The following ANKS1A variants were observed in gnomAD, a reference collection of about 807,000 sequenced individuals.
The protein encoded by ANKS1A is ankyrin repeat and sterile alpha motif domain containing 1A, also known as ankyrin repeat and SAM domain-containing protein 1A.
Under a neutral mutation model 120.3 loss-of-function variants are expected in ANKS1A, and 55 were observed. The observed-to-expected ratio is 0.46, with a 90% CI of 0.37 to 0.57. The LOEUF (loss-of-function observed/expected upper bound fraction) is 0.57. Among genes scored for constraint, ANKS1A ranks in the 20% least tolerant of loss-of-function variants. ANKS1A has a pLI of 0.00. For missense variants in ANKS1A, 1,123 were observed against 1,480.3 expected (o/e 0.76, Z 3.96); for synonymous variants, 590 against 604.7 (o/e 0.98, Z 0.36).
intron 1 of ANKS1A, among the ~76,000 whole-genome samples, chr6:34,906,231 G>A (rs1767641128): frequency 6.6e-6 from 1 of 152,170 alleles, no homozygotes; most frequent in African/African-American, 2.4e-5. Context: ...TAAAACATCT[G>A]CAGAGTTAGA....
intron 1 of ANKS1A, among the ~76,000 whole-genome samples, chr6:34,927,307 A>G (rs974163482): frequency 1.3e-5 from 2 of 152,088 alleles, no homozygotes. Flanking sequence ...CAAGGGGACA[A>G]TGTGCATAAG....
intron 1 of ANKS1A, among the ~76,000 whole-genome samples, chr6:34,921,514 A>T (rs1768432949): frequency 6.6e-6 from 1 of 152,184 alleles, no homozygotes; most frequent in Admixed American, 6.5e-5. Flanking sequence ...TTATTTGCAT[A>T]TTTAGAAAAC....
chr6:35,042,995 A>T (rs187085990), intron 11 of ANKS1A, among the ~76,000 whole-genome samples: 1 of 152,284 alleles, frequency 6.6e-6, no homozygotes, highest in African/African-American at 2.4e-5. Flanking sequence ...ATGACCTTGG[A>T]TGCCCTTGAG....
intron 10 of ANKS1A, among the ~76,000 whole-genome samples, chr6:35,006,555 C>T (rs1423432036): frequency 5.3e-5 from 8 of 151,422 alleles, no homozygotes; most frequent in Non-Finnish European, 1.2e-4. Context: ...GAGATGGAGA[C>T]CATCCTGGCT....
Position 34,973,567 on chromosome 6 carries a change from C to T in ANKS1A, c.435+3401C>T, listed in dbSNP as rs187380071. 4.1e-4 allele frequency among the ~76,000 whole-genome samples: 63 copies of T among 152,280 alleles called. 1 individual carries two copies. In the East Asian group the frequency reaches 0.012, roughly 28 times the overall value. On this transcript the variant is annotated intron_variant, in intron 3 of 23. Transcript: ENST00000360359. ...GAGTGTGCTCAAGACACTACATTAT[C>T]CACATTAGCTACCTTTTACTTGTTC...
chr6:34,930,604 C>G (rs887649176), intron 1 of ANKS1A, among the ~76,000 whole-genome samples: 2 of 152,142 alleles, frequency 1.3e-5, no homozygotes, highest in Admixed American at 6.5e-5. Context: ...TGGTTTGTCT[C>G]TCCTCTTTCC....
chr6:35,080,243 C>T (rs1777601854), intron 16 of ANKS1A, among the ~76,000 whole-genome samples: 1 of 151,968 alleles, frequency 6.6e-6, no homozygotes, highest in Non-Finnish European at 1.5e-5. Context: ...TCCAAAAGGC[C>T]AGGACTCACA....
At chr6:34,960,394 G>T (rs751282591) in intron 1 of ANKS1A, among the ~76,000 whole-genome samples, 8 of 151,940 alleles carry the variant, frequency 5.3e-5, no homozygotes, top group Admixed American at 2.0e-4. Flanking sequence ...CTCCATGAGG[G>T]CAGACTTTGT....
chr6:34,930,565 G>A (rs1768930381), intron 1 of ANKS1A, among the ~76,000 whole-genome samples: 1 of 152,160 alleles, frequency 6.6e-6, no homozygotes, highest in Admixed American at 6.5e-5. Flanking sequence ...GTTACATTAG[G>A]GTTGAGCGAG....
intron 16 of ANKS1A, 31 bp from the exon 17 acceptor site, chr6:35,080,963 G>A: frequency 1.2e-6 from 2 of 1,603,094 alleles, no homozygotes; most frequent in East Asian, 4.5e-5. Context: ...GCCGAGGGTT[G>A]CAAGTTCCAC....
rs915107978 is a variant in ANKS1A at position 35,091,152 on chromosome 6, G to A, written c.*2543G>A. On this transcript the variant is annotated 3_prime_UTR_variant, in exon 24 of 24. Transcript: ENST00000360359. ...GTAATGAAAATGTTATTTAATCTTT[G>A]TCTCTGTATTTTGATACTTGAATGA... The A allele has an allele frequency of 4.1e-6, 4 of 985,748 alleles. No individual in the cohort carries two copies. In the African/African-American group the frequency reaches 7.0e-5, roughly 17 times the overall value. 61.1% of individuals were successfully genotyped at this position (985,748 alleles called of 1,614,324 possible). A position where few individuals can be genotyped will look rare whatever the true frequency, so the allele number is the denominator to read the frequency against.
At chr6:34,891,869 C>G (rs1248841684) in intron 1 of ANKS1A, among the ~76,000 whole-genome samples, 2 of 152,156 alleles carry the variant, frequency 1.3e-5, no homozygotes, top group African/African-American at 4.8e-5. Flanking sequence ...CCTCATGATC[C>G]GCCGGCCTCG....
intron 11 of ANKS1A, among the ~76,000 whole-genome samples, chr6:35,040,852 C>T (rs1427091919): frequency 1.3e-5 from 2 of 152,196 alleles, no homozygotes; most frequent in East Asian, 1.9e-4. Context: ...TTTCTTCTCT[C>T]CCGTAGACCT....
intron 14 of ANKS1A, among the ~76,000 whole-genome samples, chr6:35,079,250 A>AC (rs34246457): frequency 3.3e-5 from 5 of 149,944 alleles, no homozygotes; most frequent in Admixed American, 1.3e-4. Flanking sequence ...CGTTCTGCAG[A>AC]CCCCCCCTCC....
chr6:35,080,707 AG>A (rs1329310759), intron 16 of ANKS1A, among the ~76,000 whole-genome samples: 1 of 152,056 alleles, frequency 6.6e-6, no homozygotes, highest in Non-Finnish European at 1.5e-5. Context: ...TTTTTTCTCA[AG>A]GGGGTGCTTT....
rs1263347509 is a variant in ANKS1A at position 35,058,211 on chromosome 6, C to T, written c.2078-1936C>T. On this transcript the variant is annotated intron_variant, in intron 12 of 23. Coordinates refer to ENST00000360359, the MANE Select transcript of ANKS1A (RefSeq NM_015245.3). This position sits in a 1 kb window ranked among gnomAD's most constrained non-coding sequence, Gnocchi z 5.1. ...CAGACATTACGAGAGTGAGCAAGGA[C>T]TGTGGAGCCAGCAGCAGGCAGCGTG... The T allele has an allele frequency of 2.0e-5, 3 of 152,672 alleles. No homozygotes were observed. Among genetic ancestry groups the T allele is most frequent in the Admixed American group, 6.5e-5 (1 of 15,278 alleles). 9.5% of individuals were successfully genotyped at this position (152,672 alleles called of 1,614,324 possible). A position where few individuals can be genotyped will look rare whatever the true frequency, so the allele number is the denominator to read the frequency against.
intron 10 of ANKS1A, among the ~76,000 whole-genome samples, chr6:34,997,235 T>C (rs56248791): frequency 0.8 from 117,155 of 147,216 alleles, 48,741 homozygotes; most frequent in Non-Finnish European, 0.92. Flanking sequence ...CTTGCTCTGT[T>C]GCCCAGGCTG....
chr6:35,029,807 T>C (rs1397553311), intron 11 of ANKS1A, among the ~76,000 whole-genome samples: 1 of 148,498 alleles, frequency 6.7e-6, no homozygotes, highest in Non-Finnish European at 1.5e-5. Context: ...AAATATATAT[T>C]ATTTGATTAC....
intron 1 of ANKS1A, among the ~76,000 whole-genome samples, chr6:34,954,680 G>A (rs1162800876): frequency 6.6e-6 from 1 of 152,118 alleles, no homozygotes; most frequent in African/African-American, 2.4e-5. Context: ...AAACCACAAG[G>A]TTCCCAGAAT....
Sources: gnomAD v4.1 joint callset for allele counts (sites outside exome capture counted in the v4.1 genomes callset) on GRCh38, gnomAD v4.1.1 for gene constraint, Gnocchi (gnomAD v3.1) non-coding constraint, MANE v1.5 for transcripts, NCBI Gene and HGNC (gene_info 2026-07-23, HGNC 2026-07-21) for gene names.